The following STK39 variants were observed in gnomAD, a reference collection of about 807,000 sequenced individuals.
The protein encoded by STK39 is serine/threonine kinase 39, also known as STE20/SPS1-related proline-alanine-rich protein kinase.
A neutral mutation model predicts 77.8 loss-of-function variants in STK39; 20 were observed. The observed-to-expected ratio is 0.26, with a 90% CI of 0.18 to 0.37. The LOEUF (loss-of-function observed/expected upper bound fraction) is 0.37, where lower values mean the gene tolerates loss of function less well. Among genes scored for constraint, STK39 ranks in the 10% least tolerant of loss-of-function variants. The pLI is 1.00. For missense variants in STK39, 479 were observed against 656.5 expected, an observed-to-expected ratio of 0.73 and a Z score of 2.95; for synonymous variants, 246 against 234.1, an observed-to-expected ratio of 1.05 and a Z score of -0.47.
At chr2:168,052,017 A>C (rs1685410463) in intron 14 of STK39, among the ~76,000 whole-genome samples, 1 of 151,508 alleles carries the variant, frequency 6.6e-6, no homozygotes, top group Non-Finnish European at 1.5e-5. Flanking sequence ...TAACTAGGAA[A>C]CCTCTTACCA....
intron 16 of STK39, among the ~76,000 whole-genome samples, chr2:167,996,311 C>G (rs1448833): frequency 0.55 from 83,537 of 152,110 alleles, 24,167 homozygotes; most frequent in African/African-American, 0.66. Flanking sequence ...TAATAATTTG[C>G]CTTTATCAAG....
At chr2:168,206,654 A>C (rs1163881031) in intron 1 of STK39, among the ~76,000 whole-genome samples, 1 of 152,188 alleles carries the variant, frequency 6.6e-6, no homozygotes, top group Non-Finnish European at 1.5e-5. Flanking sequence ...CATAATCCCT[A>C]AATATAAAAT....
At chr2:168,129,253 C>G (rs72872759) in intron 10 of STK39, among the ~76,000 whole-genome samples, 2,719 of 152,278 alleles carry the variant, frequency 0.018, 26 homozygotes, top group Non-Finnish European at 0.028. Context: ...TATTTTACCT[C>G]TCCAGTATTT....
chr2:168,017,407 A>T (rs1224407160), intron 14 of STK39, among the ~76,000 whole-genome samples: 3 of 125,252 alleles, frequency 2.4e-5, no homozygotes, highest in African/African-American at 9.0e-5. Flanking sequence ...TTTTTGAGAC[A>T]GAGTTTCGCT....
chr2:168,159,957 G>T (rs891103392), intron 5 of STK39, among the ~76,000 whole-genome samples: 1 of 152,140 alleles, frequency 6.6e-6, no homozygotes, highest in African/African-American at 2.4e-5. Context: ...GCACGTACTG[G>T]GTCACAACAG....
chr2:167,955,710 C>A, intron 17 of STK39, 140 bp from the exon 18 acceptor site: 1 of 749,764 alleles, frequency 1.3e-6, no homozygotes, highest in Non-Finnish European at 2.2e-6. Flanking sequence ...AAGAGAGACG[C>A]CAGCCACTCT....
intron 1 of STK39, among the ~76,000 whole-genome samples, chr2:168,204,251 G>A (rs1411361410): frequency 1.3e-5 from 2 of 152,160 alleles, no homozygotes; most frequent in Non-Finnish European, 2.9e-5. Flanking sequence ...GCCGCACCCC[G>A]TGGGACAGGC....
chr2:167,966,522 G>A (rs773613111), intron 16 of STK39, among the ~76,000 whole-genome samples: 2 of 152,144 alleles, frequency 1.3e-5, no homozygotes, highest in Non-Finnish European at 2.9e-5. Flanking sequence ...TTACTGCCTT[G>A]TTCTGGGTCA....
chr2:167,997,545 A>T (rs1016448950), intron 16 of STK39, among the ~76,000 whole-genome samples: 1 of 152,174 alleles, frequency 6.6e-6, no homozygotes, highest in African/African-American at 2.4e-5. Context: ...TAGAGAGATG[A>T]ACTAACTTCC....
intron 17 of STK39, among the ~76,000 whole-genome samples, chr2:167,957,131 T>C (rs1691807425): frequency 6.6e-6 from 1 of 152,206 alleles, no homozygotes. Context: ...CTATAATGTT[T>C]GTACCTTGAA....
chr2:168,050,663 A>G (rs1366591378), intron 14 of STK39, among the ~76,000 whole-genome samples: 2 of 152,124 alleles, frequency 1.3e-5, no homozygotes, highest in East Asian at 3.9e-4. Context: ...AAGGGAAGGA[A>G]ACAGACTCTC....
chr2:168,228,816 A>C (rs140593456), intron 1 of STK39, among the ~76,000 whole-genome samples: 1 of 152,134 alleles, frequency 6.6e-6, no homozygotes, highest in African/African-American at 2.4e-5. Context: ...ATAAGCTTGG[A>C]ATTTTTAATA....
intron 1 of STK39, among the ~76,000 whole-genome samples, chr2:168,242,558 A>ATATAT (rs1166980342): frequency 1.6e-5 from 1 of 63,592 alleles, no homozygotes; most frequent in African/African-American, 7.6e-5. Context: ...AAAAAAAAAA[A>ATATAT]AAATATATAT....
At chr2:168,164,751 T>TA (rs1329967330) in intron 3 of STK39, among the ~76,000 whole-genome samples, 1 of 152,178 alleles carries the variant, frequency 6.6e-6, no homozygotes, top group Non-Finnish European at 1.5e-5. Flanking sequence ...CACTAACACT[T>TA]ACAATAAACA....
At chr2:168,007,608 G>A (rs1048653864) in intron 16 of STK39, among the ~76,000 whole-genome samples, 8 of 152,108 alleles carry the variant, frequency 5.3e-5, no homozygotes, top group East Asian at 3.9e-4. Flanking sequence ...GATGGTGTGC[G>A]ATTTTAATGA....
chr2:168,062,499 G>C (rs1044386064), intron 14 of STK39, among the ~76,000 whole-genome samples: 5 of 152,164 alleles, frequency 3.3e-5, no homozygotes, highest in African/African-American at 9.7e-5. Context: ...TTACTGTGAG[G>C]TTCCTTTGAC....
At chr2:168,182,667 C>A (rs1329510794) in intron 1 of STK39, among the ~76,000 whole-genome samples, 1 of 152,258 alleles carries the variant, frequency 6.6e-6, no homozygotes, top group Admixed American at 6.5e-5. Flanking sequence ...TTTTCTATTT[C>A]TAAGGTTTCA....
intron 10 of STK39, among the ~76,000 whole-genome samples, chr2:168,098,434 C>G (rs551350951): frequency 6.6e-6 from 1 of 152,272 alleles, no homozygotes; most frequent in African/African-American, 2.4e-5. Flanking sequence ...AAAGAGCGGC[C>G]CCACTGCCTC....
At chr2:168,164,108 A>G (rs571516034) in intron 3 of STK39, among the ~76,000 whole-genome samples, 1 of 152,346 alleles carries the variant, frequency 6.6e-6, no homozygotes, top group African/African-American at 2.4e-5. Flanking sequence ...ATTCTGGGTC[A>G]GGGACCAGAA....
Sources: gnomAD v4.1 joint callset for allele counts (sites outside exome capture counted in the v4.1 genomes callset) on GRCh38, gnomAD v4.1.1 for gene constraint, MANE v1.5 for transcripts, NCBI Gene and HGNC (gene_info 2026-07-23, HGNC 2026-07-21) for gene names.